Variants in B4GALT6 observed in about 807,000 individuals in gnomAD.
The protein encoded by B4GALT6 is UDP-Gal:beta-GlcNAc beta-1,4-galactosyltransferase 6.
Under a neutral mutation model 46.3 loss-of-function variants are expected in B4GALT6, and 14 were observed. That is an observed-to-expected ratio of 0.30 (90% CI 0.20 to 0.47). The LOEUF (loss-of-function observed/expected upper bound fraction) is 0.47. Ranked by LOEUF, B4GALT6 falls within the 20% of genes least tolerant of loss-of-function variation. The probability of loss-of-function intolerance (pLI) is 0.99; values close to 1 mark genes in which losing one functional copy is unlikely to be tolerated. For synonymous variants in B4GALT6, 168 were observed against 162.0 expected, an observed-to-expected ratio of 1.04 and a Z score of -0.28; for missense variants, 386 against 480.1, an observed-to-expected ratio of 0.80 and a Z score of 1.83.
the B4GALT6 span, among the ~76,000 whole-genome samples, chr18:31,702,550 A>G: frequency 6.6e-6 from 1 of 152,226 alleles, no homozygotes; most frequent in Non-Finnish European, 1.5e-5. Flanking sequence ...TGTAGGCAGC[A>G]AATAGCACAG....
intron 1 of B4GALT6, among the ~76,000 whole-genome samples, chr18:31,674,580 T>C (rs117691966): frequency 3.3e-5 from 5 of 152,334 alleles, no homozygotes; most frequent in Non-Finnish European, 5.9e-5. Context: ...TTTCTAAGAA[T>C]TTCTAAGAAT....
the B4GALT6 span, among the ~76,000 whole-genome samples, chr18:31,697,744 T>G: frequency 6.6e-6 from 1 of 152,222 alleles, no homozygotes; most frequent in Non-Finnish European, 1.5e-5. Flanking sequence ...CTAAGCCTCC[T>G]TTTCACTGTT....
At chr18:31,672,831 C>A (rs1169033936) in intron 1 of B4GALT6, among the ~76,000 whole-genome samples, 1 of 152,186 alleles carries the variant, frequency 6.6e-6, no homozygotes, top group African/African-American at 2.4e-5. Context: ...GTGGCCCCAG[C>A]AAGCTAGCCC....
chr18:31,637,389 GCTTT>G (rs1567961932), intron 5 of B4GALT6, among the ~76,000 whole-genome samples: 3 of 117,530 alleles, frequency 2.6e-5, no homozygotes, highest in Non-Finnish European at 5.2e-5. Flanking sequence ...TGCAATGTAT[GCTTT>G]TTTTTTTTTT....
chr18:31,717,879 G>A, the B4GALT6 span, among the ~76,000 whole-genome samples: 18 of 151,582 alleles, frequency 1.2e-4, no homozygotes, highest in East Asian at 1.2e-3. Context: ...ACTTGAACCC[G>A]GGAGGCGGAG....
In B4GALT6 at chr18:31,645,367, T is replaced by C; in HGVS notation, c.459A>G (p.Lys153=). 1 of 1,613,530 alleles carries C rather than the reference T, an allele frequency of 6.2e-7. No individual in the cohort carries two copies. The highest frequency in any genetic ancestry group is 8.5e-7 in the Non-Finnish European group (1 of 1,179,826). The change falls in exon 4 of 9, where the codon AAA becomes AAG. Residue 153 remains lysine, a synonymous_variant. Coordinates refer to ENST00000306851, the MANE Select transcript of B4GALT6 (RefSeq NM_004775.5). Reference sequence around the variant, plus strand: ...GAATTTACCTCACCTTCCATCTGGGTTTACAGTCTTTTGGCCTCCAATGAC... The same window carrying C: ...GAATTTACCTCACCTTCCATCTGGGCTTACAGTCTTTTGGCCTCCAATGAC... ...PGGHWRPKDC[K]PRWKVAVLIP...
intron 2 of B4GALT6, among the ~76,000 whole-genome samples, chr18:31,659,063 T>C (rs1425037809): frequency 4.6e-5 from 7 of 152,080 alleles, no homozygotes; most frequent in Non-Finnish European, 7.4e-5. Flanking sequence ...GAGAATGACA[T>C]CAACATGCAA....
chr18:31,684,458 G>C lies in B4GALT6; in HGVS notation c.-32C>G. Reference sequence around the variant, plus strand: ...CTTCCCTGCCAGCAGCCCAGGCTGCGCTCTCAGGCCGGACTCGGGGCCACT... The same window carrying C: ...CTTCCCTGCCAGCAGCCCAGGCTGCCCTCTCAGGCCGGACTCGGGGCCACT... On this transcript the variant is annotated 5_prime_UTR_variant, in exon 1 of 9. Transcript: ENST00000306851. The C allele has an allele frequency of 6.2e-7, 1 of 1,607,750 alleles. No homozygotes were observed. The highest frequency in any genetic ancestry group is 1.1e-5 in the South Asian group (1 of 90,428).
intron 4 of B4GALT6, among the ~76,000 whole-genome samples, chr18:31,644,090 T>A (rs958070346): frequency 6.6e-6 from 1 of 152,214 alleles, no homozygotes; most frequent in Non-Finnish European, 1.5e-5. Flanking sequence ...GATTCATTTG[T>A]TAAATGAATC....
the B4GALT6 span, among the ~76,000 whole-genome samples, chr18:31,708,425 T>A: frequency 6.6e-6 from 1 of 151,968 alleles, no homozygotes; most frequent in Non-Finnish European, 1.5e-5. Flanking sequence ...ATTGGCCAGG[T>A]GTGGTGGCGG....
intron 2 of B4GALT6, among the ~76,000 whole-genome samples, chr18:31,662,668 C>T (rs945105657): frequency 2.6e-5 from 4 of 151,986 alleles, no homozygotes; most frequent in Admixed American, 6.6e-5. Context: ...GGTGAAACCC[C>T]GTCTCTACTA....
the B4GALT6 span, chr18:31,724,606 G>A: frequency 9.4e-7 from 1 of 1,064,454 alleles, no homozygotes; most frequent in Non-Finnish European, 1.1e-6. Context: ...GAGCTGCCCC[G>A]GGGCCAGAGC....
At chr18:31,647,722 G>A (rs1194798603) in intron 3 of B4GALT6, among the ~76,000 whole-genome samples, 1 of 152,158 alleles carries the variant, frequency 6.6e-6, no homozygotes, top group Non-Finnish European at 1.5e-5. Context: ...ATCATTGTGG[G>A]GAGTGGTATT....
intron 3 of B4GALT6, 77 bp from the exon 4 acceptor site, chr18:31,645,556 G>T: frequency 2.1e-6 from 3 of 1,439,496 alleles, no homozygotes; most frequent in Non-Finnish European, 1.9e-6. Flanking sequence ...ATAATCAGCA[G>T]GGTGATGGCA....
chr18:31,659,861 C>T (rs549913943), intron 2 of B4GALT6, among the ~76,000 whole-genome samples: 1 of 151,878 alleles, frequency 6.6e-6, no homozygotes, highest in Non-Finnish European at 1.5e-5. Context: ...GTAGCCCATG[C>T]TCAATGTATT....
intron 6 of B4GALT6, among the ~76,000 whole-genome samples, chr18:31,628,170 G>T (rs142610201): frequency 1.7e-3 from 260 of 152,256 alleles, no homozygotes; most frequent in African/African-American, 6.1e-3. Context: ...TAGGTCAAAG[G>T]TACTCCAAGA....
the B4GALT6 span, among the ~76,000 whole-genome samples, chr18:31,711,439 C>G: frequency 2.0e-5 from 3 of 151,820 alleles, no homozygotes; most frequent in Admixed American, 6.6e-5. Context: ...CCCAGTGTCT[C>G]TTGCTGTCCC....
intron 1 of B4GALT6, among the ~76,000 whole-genome samples, chr18:31,674,828 A>G (rs538049888): frequency 2.7e-4 from 41 of 152,188 alleles, no homozygotes; most frequent in Non-Finnish European, 5.3e-4. Context: ...AAAAATAACA[A>G]ATGTCAAGGA....
chr18:31,655,951 G>A (rs1395999250), intron 3 of B4GALT6, among the ~76,000 whole-genome samples: 1 of 151,836 alleles, frequency 6.6e-6, no homozygotes, highest in East Asian at 1.9e-4. Flanking sequence ...TAGATCAGTG[G>A]GTCTCAATAC....
Sources: gnomAD v4.1 joint callset for allele counts (sites outside exome capture counted in the v4.1 genomes callset) on GRCh38, gnomAD v4.1.1 for gene constraint, MANE v1.5 for transcripts, NCBI Gene and HGNC (gene_info 2026-07-23, HGNC 2026-07-21) for gene names.